Variants in DNAH8 observed in about 807,000 individuals in gnomAD.
DNAH8 encodes the protein axonemal beta dynein heavy chain 8.
Under a neutral mutation model 562.1 loss-of-function variants are expected in DNAH8, and 382 were observed. The ratio of observed to expected loss-of-function variants is 0.68; its 90% CI spans 0.63 to 0.74. DNAH8 has a LOEUF of 0.74. Ranked by LOEUF, DNAH8 falls within the 30% of genes least tolerant of loss-of-function variation. DNAH8 has a pLI of 0.00. For synonymous variants in DNAH8, 1,881 were observed against 1,919.4 expected, an observed-to-expected ratio of 0.98 and a Z score of 0.52; for missense variants, 5,203 against 5,620.4, an observed-to-expected ratio of 0.93 and a Z score of 2.37.
chr6:38,929,677 T>TAAA lies in DNAH8; in HGVS notation c.11274+24_11274+26dup, dbSNP rs376615002. 6.2e-3 allele frequency: 6,820 copies of TAAA among 1,097,626 alleles called. 136 individuals carry two copies. In the East Asian group the frequency reaches 0.11, roughly 17 times the overall value. 68.0% of individuals were successfully genotyped at this position (1,097,626 alleles called of 1,614,324 possible). A position where few individuals can be genotyped will look rare whatever the true frequency, so the allele number is the denominator to read the frequency against. On this transcript the variant is annotated intron_variant, in intron 75 of 92. Coordinates refer to ENST00000327475, the MANE Select transcript of DNAH8 (RefSeq NM_001206927.2). ...GGCACCACTTTCAAGGTGAGCTTTG[T>TAAA]AAAAAAAAAAAAAAAGAAAGAAAGA... is the stretch of plus-strand genomic sequence containing the variant.
intron 49 of DNAH8, 25 bp downstream of exon 49, chr6:38,870,587 A>G: frequency 6.3e-7 from 1 of 1,596,044 alleles, no homozygotes; most frequent in Non-Finnish European, 8.5e-7. Context: ...ATCTATTATT[A>G]GTATAATGAT....
At chr6:38,795,257 G>A (rs1770122791) in intron 21 of DNAH8, among the ~76,000 whole-genome samples, 1 of 152,112 alleles carries the variant, frequency 6.6e-6, no homozygotes. Flanking sequence ...CAATTATACA[G>A]TAATTCTCCA....
intron 1 of DNAH8, among the ~76,000 whole-genome samples, chr6:38,721,083 C>A (rs7763683): frequency 0.43 from 64,607 of 151,878 alleles, 14,542 homozygotes; most frequent in East Asian, 0.88. Flanking sequence ...TTACCTCAAA[C>A]GACCAGATTT....
chr6:38,770,370 A>C, intron 11 of DNAH8, 43 bp from the exon 12 acceptor site: 5 of 1,361,090 alleles, frequency 3.7e-6, no homozygotes, highest in Non-Finnish European at 5.0e-6. Context: ...TCCTGAACAA[A>C]TGTCTCACTT....
At chr6:38,903,100 G>A (rs933236824) in intron 62 of DNAH8, among the ~76,000 whole-genome samples, 1 of 152,162 alleles carries the variant, frequency 6.6e-6, no homozygotes, top group Non-Finnish European at 1.5e-5. Context: ...TGTAGCTTAG[G>A]AGCAATAGGC....
Position 38,918,651 on chromosome 6 carries a change from A to G in DNAH8, c.10524+511A>G, listed in dbSNP as rs1781480768. On this transcript the variant is annotated intron_variant, in intron 70 of 92. Coordinates refer to ENST00000327475, the MANE Select transcript of DNAH8 (RefSeq NM_001206927.2). ...CCCACAACCCTAAATACTAGAAGAT[A>G]ATGAAAAAACATATGCAGAGTTTTG... Among the ~76,000 whole-genome samples, 5 of 152,316 alleles carry G rather than the reference A, an allele frequency of 3.3e-5. No homozygotes were observed. In the South Asian group the frequency reaches 1.0e-3, roughly 32 times the overall value.
At position 38,918,049 on chromosome 6, in the gene DNAH8, A is replaced by G. The variant is rs776011753; in HGVS notation, c.10433A>G (p.Lys3478Arg). 5.6e-6 allele frequency: 9 copies of G among 1,613,790 alleles called. No individual in the cohort carries two copies. In the African/African-American group the frequency reaches 1.2e-4, roughly 22 times the overall value. Residue 3478 changes from lysine (K) to arginine (R), a missense_variant, in exon 70 of 93, where the codon AAA (lysine) becomes AGA (arginine). Transcript: ENST00000327475. ...NMDDYTFESAKKVCGNVAGLL... is the reference protein window; with the variant it reads ...NMDDYTFESARKVCGNVAGLL... Reference sequence around the variant, plus strand: ...GATGATTATACTTTTGAAAGTGCCAAAAAAGTCTGTGGGAATGTGGCTGGT... The same window carrying G: ...GATGATTATACTTTTGAAAGTGCCAGAAAAGTCTGTGGGAATGTGGCTGGT...
intron 3 of DNAH8, among the ~76,000 whole-genome samples, chr6:38,724,383 A>C (rs1230561161): frequency 6.6e-6 from 1 of 152,222 alleles, no homozygotes; most frequent in Admixed American, 6.5e-5. Context: ...TGATGTCAGA[A>C]GTTAGAGGCA....
intron 53 of DNAH8, among the ~76,000 whole-genome samples, chr6:38,882,479 G>A (rs185295471): frequency 5.5e-4 from 83 of 152,166 alleles, no homozygotes; most frequent in African/African-American, 1.7e-3. Context: ...CAAATACTGC[G>A]TATTTTCAAT....
chr6:38,890,910 C>A, intron 58 of DNAH8, 149 bp downstream of exon 58: 1 of 603,220 alleles, frequency 1.7e-6, no homozygotes, highest in Non-Finnish European at 3.0e-6. Context: ...TTTACAACAC[C>A]TTTTCCTTCC....
At chr6:38,865,279 AC>A (rs1373519698) in intron 45 of DNAH8, among the ~76,000 whole-genome samples, 1 of 152,236 alleles carries the variant, frequency 6.6e-6, no homozygotes, top group Admixed American at 6.5e-5. Context: ...TTGTAAGCAA[AC>A]ATCCAGTAAA....
intron 80 of DNAH8, 30 bp from the exon 81 acceptor site, chr6:38,949,422 G>GTGGCTTGCTAAT (rs1217732377): frequency 7.5e-7 from 1 of 1,328,720 alleles, no homozygotes; most frequent in Non-Finnish European, 1.1e-6. Context: ...ATATAGTTCT[G>GTGGCTTGCTAAT]TGGCTTGCTA....
chr6:39,026,437 G>A (rs1767288807), intron 91 of DNAH8, 109 bp from the exon 92 acceptor site: 7 of 1,157,944 alleles, frequency 6.0e-6, no homozygotes, highest in Middle Eastern at 2.0e-4. Context: ...CTTTTGAGAT[G>A]GATGTGTAGT....
chr6:38,903,061 A>G (rs1780180255), intron 62 of DNAH8, among the ~76,000 whole-genome samples: 1 of 152,208 alleles, frequency 6.6e-6, no homozygotes, highest in Non-Finnish European at 1.5e-5. Flanking sequence ...TATGGTATTC[A>G]TTCAGTGCAG....
Position 38,781,241 on chromosome 6 carries a change from T to A in DNAH8, c.2140-13T>A. Reference sequence around the variant, plus strand: ...ATTGAATTCAAACATTAACATCAGATTTTTAATTACAGCTTTATCATTCTC... The same window carrying A: ...ATTGAATTCAAACATTAACATCAGAATTTTAATTACAGCTTTATCATTCTC... On this transcript the variant is annotated splice_polypyrimidine_tract_variant and intron_variant, in intron 15 of 92. Transcript: ENST00000327475. 1 of 1,613,476 alleles carries A rather than the reference T, an allele frequency of 6.2e-7. No individual in the cohort carries two copies. The highest frequency in any genetic ancestry group is 8.5e-7 in the Non-Finnish European group (1 of 1,179,718).
At chr6:38,885,866 A>G (rs951155932) in intron 56 of DNAH8, among the ~76,000 whole-genome samples, 6 of 152,174 alleles carry the variant, frequency 3.9e-5, no homozygotes, top group East Asian at 1.9e-4. Flanking sequence ...TTATTTACAT[A>G]TCAACATGCA....
chr6:39,008,779 C>G (rs755655219), intron 88 of DNAH8, 35 bp from the exon 89 acceptor site: 1 of 1,399,752 alleles, frequency 7.1e-7, no homozygotes, highest in Non-Finnish European at 9.9e-7. Flanking sequence ...ACATGTTTCC[C>G]TGTAACATTC....
At chr6:38,984,953 G>A (rs909683283) in intron 87 of DNAH8, among the ~76,000 whole-genome samples, 1 of 152,068 alleles carries the variant, frequency 6.6e-6, no homozygotes, top group African/African-American at 2.4e-5. Flanking sequence ...CCGCATTCCT[G>A]TGCACCTCAC....
intron 87 of DNAH8, among the ~76,000 whole-genome samples, chr6:38,988,047 T>C (rs1303979485): frequency 5.9e-5 from 9 of 152,180 alleles, no homozygotes; most frequent in African/African-American, 1.9e-4. Context: ...CCTAACCATG[T>C]CATCCAGAGT....
Sources: allele counts gnomAD v4.1 joint callset (sites outside exome capture counted in the v4.1 genomes callset), GRCh38; gene constraint gnomAD v4.1.1; transcripts MANE v1.5; gene names NCBI Gene and HGNC (gene_info 2026-07-23, HGNC 2026-07-21).